SCD5: variants seen among roughly 807,000 people sequenced by gnomAD.
SCD5 encodes the protein acyl-CoA-desaturase 4.
A neutral mutation model predicts 30.4 loss-of-function variants in SCD5; 20 were observed. The observed-to-expected ratio is 0.66, with a 90% CI of 0.46 to 0.96. SCD5 has a LOEUF of 0.96. Ranked by LOEUF, SCD5 falls within the 40% of genes least tolerant of loss-of-function variation. The probability of loss-of-function intolerance (pLI) is 0.00; values close to 1 mark genes in which losing one functional copy is unlikely to be tolerated. For missense variants in SCD5, 381 were observed against 443.3 expected (o/e 0.86, Z 1.26); for synonymous variants, 173 against 176.4 (o/e 0.98, Z 0.16).
chr4:82,704,278 A>G (rs569256370), intron 2 of SCD5, among the ~76,000 whole-genome samples: 1 of 152,290 alleles, frequency 6.6e-6, no homozygotes, highest in South Asian at 2.1e-4. Context: ...GCCACAGGGA[A>G]GCTCCTGGGT....
chr4:82,738,501 G>A (rs930121795), intron 1 of SCD5, among the ~76,000 whole-genome samples: 1 of 152,206 alleles, frequency 6.6e-6, no homozygotes, highest in Non-Finnish European at 1.5e-5. Flanking sequence ...AGTTGGGGAA[G>A]AACACATCCC....
At chr4:82,742,366 C>T (rs17006241) in intron 1 of SCD5, among the ~76,000 whole-genome samples, 11,065 of 152,172 alleles carry the variant, frequency 0.073, 1,367 homozygotes, top group African/African-American at 0.25. Context: ...GAGGTCTGAC[C>T]GGGTCCTGTC....
chr4:82,670,653 C>G (rs1253673925), intron 3 of SCD5, among the ~76,000 whole-genome samples: 3 of 151,188 alleles, frequency 2.0e-5, no homozygotes, highest in Non-Finnish European at 3.0e-5. Context: ...ATATCAATTC[C>G]ATATCAATTG....
intron 3 of SCD5, among the ~76,000 whole-genome samples, chr4:82,647,045 G>T (rs889017119): frequency 6.6e-6 from 1 of 152,142 alleles, no homozygotes; most frequent in Non-Finnish European, 1.5e-5. Context: ...GGCTGGTCTC[G>T]AACTCCTGGC....
intron 1 of SCD5, among the ~76,000 whole-genome samples, chr4:82,759,771 A>C (rs1721316813): frequency 6.6e-6 from 1 of 151,880 alleles, no homozygotes; most frequent in Non-Finnish European, 1.5e-5. Context: ...CCTAGCATCT[A>C]TAATCATGTT....
intron 3 of SCD5, among the ~76,000 whole-genome samples, chr4:82,676,810 G>A (rs1728446233): frequency 6.6e-6 from 1 of 152,202 alleles, no homozygotes; most frequent in Non-Finnish European, 1.5e-5. Flanking sequence ...AATACCACTG[G>A]CTTCTCTCCC....
intron 1 of SCD5, among the ~76,000 whole-genome samples, chr4:82,732,102 AT>A (rs372036414): frequency 6.7e-6 from 1 of 149,736 alleles, no homozygotes; most frequent in East Asian, 1.9e-4. Context: ...TTTCTATTAC[AT>A]TTTTTTTTCT....
chr4:82,787,115 G>A (rs547007426), intron 1 of SCD5, among the ~76,000 whole-genome samples: 3 of 152,296 alleles, frequency 2.0e-5, no homozygotes, highest in Admixed American at 6.5e-5. Flanking sequence ...AGGATGCACT[G>A]GCCTTATAAA....
At chr4:82,666,485 A>C (rs542409919) in intron 3 of SCD5, among the ~76,000 whole-genome samples, 1 of 152,138 alleles carries the variant, frequency 6.6e-6, no homozygotes, top group African/African-American at 2.4e-5. Flanking sequence ...ACTGCACTCC[A>C]GCCTGGGAGA....
intron 1 of SCD5, among the ~76,000 whole-genome samples, chr4:82,732,057 A>G (rs17353980): frequency 0.55 from 83,314 of 151,872 alleles, 23,968 homozygotes; most frequent in African/African-American, 0.71. Flanking sequence ...CTCAAAGGTC[A>G]TTATCTTTCA....
intron 2 of SCD5, among the ~76,000 whole-genome samples, chr4:82,701,535 T>C (rs773289481): frequency 1.3e-5 from 2 of 151,942 alleles, no homozygotes; most frequent in Non-Finnish European, 2.9e-5. Context: ...AACTCTATGT[T>C]GTTTAGAAAT....
At chr4:82,685,432 G>A (rs1403341237) in intron 2 of SCD5, among the ~76,000 whole-genome samples, 1 of 152,166 alleles carries the variant, frequency 6.6e-6, no homozygotes, top group Non-Finnish European at 1.5e-5. Flanking sequence ...GTGAAAAGAG[G>A]CTGGGCACGG....
chr4:82,670,271 T>C (rs995295527), intron 3 of SCD5, among the ~76,000 whole-genome samples: 6 of 151,946 alleles, frequency 3.9e-5, no homozygotes, highest in East Asian at 1.9e-4. Flanking sequence ...ACACAGTAGG[T>C]AGCATGCAAG....
At position 82,660,990 on chromosome 4, in the gene SCD5, C is replaced by T. The variant is rs745809555; in HGVS notation, c.569+19717G>A. 6 of 1,614,156 alleles carry T rather than the reference C, an allele frequency of 3.7e-6. No homozygotes were observed. The South Asian group carries it at 6.6e-5, about 18-fold the overall frequency. ...TGTGTAATCCGGGAAGGGTGACTTTCAATATATGCCCTTGATGCCATTCAC... is the reference window on the plus strand; with the variant it reads ...TGTGTAATCCGGGAAGGGTGACTTTTAATATATGCCCTTGATGCCATTCAC... On this transcript the variant is annotated intron_variant, in intron 3 of 4. Transcript: ENST00000319540.
chr4:82,747,265 C>A (rs758766757), intron 1 of SCD5, among the ~76,000 whole-genome samples: 24 of 152,194 alleles, frequency 1.6e-4, no homozygotes, highest in Non-Finnish European at 3.4e-4. Flanking sequence ...ATGCTTATTA[C>A]AATCACTCTG....
chr4:82,677,046 G>A (rs1728451598), intron 3 of SCD5, among the ~76,000 whole-genome samples: 1 of 152,202 alleles, frequency 6.6e-6, no homozygotes, highest in South Asian at 2.1e-4. Context: ...TCTTTAGTAA[G>A]TTGTTATTAG....
intron 1 of SCD5, among the ~76,000 whole-genome samples, chr4:82,736,972 T>C (rs1390485518): frequency 6.6e-6 from 1 of 152,200 alleles, no homozygotes; most frequent in Admixed American, 6.5e-5. Flanking sequence ...GACCATAGTT[T>C]GTTTTTAATT....
chr4:82,792,707 G>A (rs753868695), intron 1 of SCD5, among the ~76,000 whole-genome samples: 1 of 152,206 alleles, frequency 6.6e-6, no homozygotes, highest in African/African-American at 2.4e-5. Flanking sequence ...AAGTGACAGA[G>A]CAAGATCTTG....
intron 1 of SCD5, among the ~76,000 whole-genome samples, chr4:82,772,076 T>TA (rs905043285): frequency 2.0e-5 from 3 of 152,086 alleles, no homozygotes; most frequent in South Asian, 2.1e-4. Context: ...AGGGATATAA[T>TA]AAAAAAAATT....
Sources: gnomAD v4.1 joint callset for allele counts (sites outside exome capture counted in the v4.1 genomes callset) on GRCh38, gnomAD v4.1.1 for gene constraint, MANE v1.5 for transcripts, NCBI Gene and HGNC (gene_info 2026-07-23, HGNC 2026-07-21) for gene names.